The following REPS2 variants were observed in gnomAD, a reference collection of about 807,000 sequenced individuals.
The protein encoded by REPS2 is RALBP1 associated Eps domain containing 2.
Under a neutral mutation model 53.6 loss-of-function variants are expected in REPS2, and 23 were observed. That is an observed-to-expected ratio of 0.43 (90% confidence interval 0.31 to 0.61). The LOEUF (loss-of-function observed/expected upper bound fraction) is 0.61. Among genes scored for constraint, REPS2 ranks in the 20% least tolerant of loss-of-function variants. REPS2 has a pLI of 0.11. For missense variants in REPS2, 446 were observed against 534.9 expected, an observed-to-expected ratio of 0.83 and a Z score of 1.64; for synonymous variants, 238 against 218.6, an observed-to-expected ratio of 1.09 and a Z score of -0.78.
intron 13 of REPS2, among the ~76,000 whole-genome samples, chrX:17,080,992 C>T (rs1176900850): frequency 9.0e-6 from 1 of 111,352 alleles, no homozygotes; most frequent in East Asian, 2.8e-4. Context: ...CAGCCCCGCC[C>T]CCCATATCCC....
At chrX:17,087,967 T>TAGAC (rs2062562796) in intron 13 of REPS2, among the ~76,000 whole-genome samples, 1 of 85,393 alleles carries the variant, frequency 1.2e-5, no homozygotes, top group African/African-American at 4.3e-5. Context: ...GATAGATAGA[T>TAGAC]AGATAGATAG....
At chrX:16,967,041 C>T (rs370754857) in intron 1 of REPS2, among the ~76,000 whole-genome samples, 17 of 111,939 alleles carry the variant, frequency 1.5e-4, no homozygotes, top group African/African-American at 4.9e-4. Flanking sequence ...CAGGAGTTGA[C>T]GTAATTCAGC....
At position 17,054,820 on chromosome X, in the gene REPS2, T is replaced by C. The variant is rs753872947; in HGVS notation, c.984T>C (p.Asp328=). ...PELSYIWELS[D]ADCDGALTLP... is the part of the protein sequence containing the mutation. ...TTGTTTCATTTAGGGAGCTTAGTGA[T>C]GCTGACTGTGATGGAGCCCTGACCC... Residue 328 remains aspartate, a synonymous_variant, in exon 8 of 18, where the codon GAT becomes GAC. Transcript: ENST00000357277. The C allele has an allele frequency of 8.3e-6, 10 of 1,209,052 alleles. No individual in the cohort carries two copies. Among genetic ancestry groups the C allele is most frequent in the Non-Finnish European group, 1.1e-5 (10 of 894,908 alleles).
chrX:17,135,460 A>T (rs1458089528), intron 16 of REPS2, 54 bp downstream of exon 16: 2 of 1,137,341 alleles, frequency 1.8e-6, no homozygotes, highest in Non-Finnish European at 2.4e-6. Flanking sequence ...TGAGATGTCG[A>T]CGGATATGTA....
chrX:16,979,780 T>TC (rs1274330362), intron 1 of REPS2, among the ~76,000 whole-genome samples: 1 of 110,499 alleles, frequency 9.0e-6, no homozygotes, highest in Non-Finnish European at 1.9e-5. Flanking sequence ...GAAAGGTTTA[T>TC]CCCTTAGGTT....
At chrX:17,164,753 A>T in the REPS2 span, among the ~76,000 whole-genome samples, 1 of 111,901 alleles carries the variant, frequency 8.9e-6, no homozygotes, top group Admixed American at 9.5e-5. Context: ...TTAGAAAAAC[A>T]ACAGAAAACT....
intron 5 of REPS2, among the ~76,000 whole-genome samples, chrX:17,038,528 C>A (rs1279355229): frequency 8.9e-6 from 1 of 112,601 alleles, no homozygotes; most frequent in African/African-American, 3.2e-5. Flanking sequence ...CTACAAACTA[C>A]CTTGGCAGCC....
intron 17 of REPS2, among the ~76,000 whole-genome samples, chrX:17,144,789 C>A (rs773418612): frequency 8.3e-4 from 93 of 111,980 alleles, no homozygotes; most frequent in East Asian, 1.7e-3. Context: ...GGTGACTGTG[C>A]ATTAGAGGAA....
chrX:17,014,477 C>A (rs1357745434), intron 2 of REPS2, among the ~76,000 whole-genome samples: 5 of 111,614 alleles, frequency 4.5e-5, no homozygotes, highest in African/African-American at 1.6e-4. Context: ...GATCAATGGG[C>A]AGATAGGAGG....
intron 17 of REPS2, among the ~76,000 whole-genome samples, chrX:17,146,340 C>G (rs2063514844): frequency 9.1e-6 from 1 of 110,430 alleles, no homozygotes; most frequent in Non-Finnish European, 1.9e-5. Context: ...GCCCTTTTGT[C>G]TCTGTGAATA....
chrX:17,093,491 A>T (rs1209701669), intron 13 of REPS2, among the ~76,000 whole-genome samples: 1 of 110,126 alleles, frequency 9.1e-6, no homozygotes, highest in Non-Finnish European at 1.9e-5. Flanking sequence ...ACTGGGGACA[A>T]ACTGAAGTCT....
At chrX:17,132,017 T>C (rs1359867881) in intron 14 of REPS2, among the ~76,000 whole-genome samples, 1 of 110,694 alleles carries the variant, frequency 9.0e-6, no homozygotes. Context: ...TATACAACTT[T>C]CAGACTCCCT....
At chrX:17,124,328 G>A (rs1357022643) in intron 14 of REPS2, among the ~76,000 whole-genome samples, 3 of 112,385 alleles carry the variant, frequency 2.7e-5, no homozygotes, top group South Asian at 3.7e-4. Context: ...GAAAATGATA[G>A]GGAAGCAAGA....
At chrX:17,072,052 CTGT>C (rs769282351) in intron 11 of REPS2, among the ~76,000 whole-genome samples, 4 of 111,712 alleles carry the variant, frequency 3.6e-5, no homozygotes, top group African/African-American at 1.3e-4. Context: ...TGTCTTTAGA[CTGT>C]TGTTGGTGAT....
intron 12 of REPS2, chrX:17,074,740 G>A (rs1254462626): frequency 8.9e-6 from 1 of 111,937 alleles, no homozygotes; most frequent in Middle Eastern, 4.2e-3. Flanking sequence ...GAAGAGAGGT[G>A]CAGAGGGGAA....
At chrX:17,077,639 A>C (rs1362518970) in intron 13 of REPS2, among the ~76,000 whole-genome samples, 6 of 112,207 alleles carry the variant, frequency 5.3e-5, no homozygotes, top group Non-Finnish European at 1.1e-4. Context: ...AGAATTAGGA[A>C]ATTCTCTACC....
chrX:16,996,269 T>C (rs927337996), intron 1 of REPS2, among the ~76,000 whole-genome samples: 3 of 111,827 alleles, frequency 2.7e-5, no homozygotes, highest in African/African-American at 9.8e-5. Flanking sequence ...CAATGTAATG[T>C]GGCTATCAGG....
At chrX:17,185,171 G>GGGAA in the REPS2 span, among the ~76,000 whole-genome samples, 9 of 110,740 alleles carry the variant, frequency 8.1e-5, no homozygotes. Flanking sequence ...GGTCTTCGTT[G>GGGAA]GGAAGGCTGG....
At chrX:16,970,206 T>C (rs1158797587) in intron 1 of REPS2, among the ~76,000 whole-genome samples, 2 of 110,184 alleles carry the variant, frequency 1.8e-5, no homozygotes, top group Non-Finnish European at 3.8e-5. Context: ...ACTTTTTTTT[T>C]TTTTTTTTAA....
Sources: allele counts gnomAD v4.1 joint callset (sites outside exome capture counted in the v4.1 genomes callset), GRCh38; gene constraint gnomAD v4.1.1; transcripts MANE v1.5; gene names NCBI Gene and HGNC (gene_info 2026-07-23, HGNC 2026-07-21).